CSMD1: variants seen among roughly 807,000 people sequenced by gnomAD.
CSMD1 encodes the protein CUB and sushi domain-containing protein 1.
A neutral mutation model predicts 417.5 loss-of-function variants in CSMD1; 213 were observed. The ratio of observed to expected loss-of-function variants is 0.51; its 90% CI spans 0.46 to 0.57. The LOEUF (loss-of-function observed/expected upper bound fraction) is 0.57. CSMD1 is among the 20% of genes least tolerant of loss of function. The pLI is 0.00. For synonymous variants in CSMD1, 2,862 were observed against 1,736.8 expected, an observed-to-expected ratio of 1.65 and a Z score of -16.11; for missense variants, 6,923 against 4,529.7, an observed-to-expected ratio of 1.53 and a Z score of -15.17.
intron 25 of CSMD1, among the ~76,000 whole-genome samples, chr8:3,301,667 G>A (rs945998263): frequency 2.6e-5 from 4 of 152,120 alleles, no homozygotes; most frequent in African/African-American, 9.7e-5. Context: ...TCCTGAAGTC[G>A]AAAGTATCCA....
intron 3 of CSMD1, among the ~76,000 whole-genome samples, chr8:4,224,953 T>G (rs1045533077): frequency 3.3e-5 from 5 of 152,002 alleles, no homozygotes; most frequent in African/African-American, 1.2e-4. Flanking sequence ...ACTAATAAAA[T>G]TAAAAAAAAT....
At chr8:4,946,930 A>C (rs1031921428) in intron 1 of CSMD1, among the ~76,000 whole-genome samples, 5 of 152,220 alleles carry the variant, frequency 3.3e-5, no homozygotes, top group Non-Finnish European at 7.3e-5. Flanking sequence ...ATATGTACAT[A>C]CGTATTTTAA....
intron 2 of CSMD1, among the ~76,000 whole-genome samples, chr8:4,440,006 CTTAA>C (rs1721218083): frequency 6.6e-6 from 1 of 152,126 alleles, no homozygotes. Flanking sequence ...GGGGTATACA[CTTAA>C]TTTTCCTAAG....
chr8:3,822,543 G>T (rs1418264841), intron 5 of CSMD1, among the ~76,000 whole-genome samples: 1 of 152,288 alleles, frequency 6.6e-6, no homozygotes, highest in Non-Finnish European at 1.5e-5. Flanking sequence ...TCCCCGACAG[G>T]CAATTCTTTG....
At chr8:3,161,658 A>G (rs1819904437) in intron 38 of CSMD1, among the ~76,000 whole-genome samples, 1 of 151,038 alleles carries the variant, frequency 6.6e-6, no homozygotes, top group South Asian at 2.1e-4. Context: ...CTCTTTATAT[A>G]GAAGATAGTA....
intron 5 of CSMD1, among the ~76,000 whole-genome samples, chr8:3,978,656 G>C (rs1182158843): frequency 1.3e-5 from 2 of 152,112 alleles, no homozygotes; most frequent in African/African-American, 4.8e-5. Flanking sequence ...CCTCCTCGTG[G>C]TGATGATGAA....
rs149151999 is a variant in CSMD1 at position 4,541,582 on chromosome 8, T to C, written c.302+95760A>G. On this transcript the variant is annotated intron_variant, in intron 2 of 69. Transcript: ENST00000635120. ...GGCCACCATGGTAAAACCCTGTCTG[T>C]ACTAAAAATGCAAAAATTAGCCGGG... Among the ~76,000 whole-genome samples the C allele has an allele frequency of 5.9e-5, 9 of 151,954 alleles. No homozygotes were observed. In the South Asian group the frequency reaches 1.9e-3, roughly 32 times the overall value.
chr8:4,394,479 C>G (rs534006197), intron 3 of CSMD1, among the ~76,000 whole-genome samples: 2 of 152,236 alleles, frequency 1.3e-5, no homozygotes, highest in African/African-American at 4.8e-5. Flanking sequence ...AGGTTCTCTC[C>G]CTTCTGAAAT....
chr8:3,366,928 CG>C (rs1809611271), intron 20 of CSMD1, 103 bp downstream of exon 20: 1 of 901,470 alleles, frequency 1.1e-6, no homozygotes, highest in African/African-American at 1.7e-5. Context: ...CAAACACACA[CG>C]GATGCACACA....
At chr8:3,156,107 T>C (rs1205529332) in intron 39 of CSMD1, among the ~76,000 whole-genome samples, 1 of 152,218 alleles carries the variant, frequency 6.6e-6, no homozygotes, top group Non-Finnish European at 1.5e-5. Flanking sequence ...AGAATGTGAA[T>C]AGCTCCCAGG....
chr8:3,619,766 C>G (rs531922282), intron 7 of CSMD1, among the ~76,000 whole-genome samples: 2 of 152,166 alleles, frequency 1.3e-5, no homozygotes, highest in East Asian at 3.9e-4. Flanking sequence ...TCTCCATAGA[C>G]ATTTCACAGG....
intron 5 of CSMD1, among the ~76,000 whole-genome samples, chr8:3,958,311 A>T (rs57181780): frequency 5.5e-5 from 5 of 90,934 alleles, no homozygotes; most frequent in African/African-American, 2.2e-4. Flanking sequence ...TCATTTTTTT[A>T]AACTCTCTCT....
At chr8:3,958,670 G>A (rs560102799) in intron 5 of CSMD1, among the ~76,000 whole-genome samples, 1 of 152,202 alleles carries the variant, frequency 6.6e-6, no homozygotes, top group African/African-American at 2.4e-5. Flanking sequence ...AAAACAAAAT[G>A]TCAAAGAGGG....
chr8:3,408,828 C>A (rs1177395006), intron 13 of CSMD1, among the ~76,000 whole-genome samples: 3 of 151,924 alleles, frequency 2.0e-5, no homozygotes. Flanking sequence ...GAGGGAGAAA[C>A]TGTTGGATTT....
intron 18 of CSMD1, among the ~76,000 whole-genome samples, chr8:3,371,385 A>C (rs1394523054): frequency 6.6e-6 from 1 of 152,196 alleles, no homozygotes; most frequent in African/African-American, 2.4e-5. Context: ...GAATGAAATA[A>C]GTGAATACAT....
At chr8:4,968,175 A>AT (rs1585427541) in intron 1 of CSMD1, among the ~76,000 whole-genome samples, 1 of 152,078 alleles carries the variant, frequency 6.6e-6, no homozygotes, top group African/African-American at 2.4e-5. Context: ...AAATAGGATA[A>AT]TTTTTTCCAG....
At chr8:4,815,714 AAAAAG>A (rs1799168331) in intron 1 of CSMD1, among the ~76,000 whole-genome samples, 1 of 151,118 alleles carries the variant, frequency 6.6e-6, no homozygotes, top group Non-Finnish European at 1.5e-5. Context: ...AAAAAAAAAA[AAAAAG>A]AAGAGAAAGG....
chr8:3,514,009 G>A (rs549195182), intron 10 of CSMD1, among the ~76,000 whole-genome samples: 177 of 152,228 alleles, frequency 1.2e-3, no homozygotes, highest in Non-Finnish European at 1.6e-3. Flanking sequence ...TCTTTTTATC[G>A]TACAGAAAAA....
chr8:4,801,270 A>T (rs1444725167), intron 1 of CSMD1, among the ~76,000 whole-genome samples: 1 of 152,136 alleles, frequency 6.6e-6, no homozygotes, highest in Non-Finnish European at 1.5e-5. Context: ...TTTTCAGGTC[A>T]CCTTTAATTG....
Sources: allele counts gnomAD v4.1 joint callset (sites outside exome capture counted in the v4.1 genomes callset), GRCh38; gene constraint gnomAD v4.1.1; transcripts MANE v1.5; gene names NCBI Gene and HGNC (gene_info 2026-07-23, HGNC 2026-07-21).